The following RDX variants were observed in gnomAD, a reference collection of about 807,000 sequenced individuals.
RDX encodes deafness, autosomal recessive 24.
RDX carries 32 observed loss-of-function variants against 83.7 expected under a neutral mutation model. That is an observed-to-expected ratio of 0.38 (90% CI 0.29 to 0.51). RDX has a LOEUF of 0.51. Among genes scored for constraint, RDX ranks in the 20% least tolerant of loss-of-function variants. The probability of loss-of-function intolerance (pLI) is 0.87; values close to 1 mark genes in which losing one functional copy is unlikely to be tolerated. For missense variants in RDX, 600 were observed against 689.9 expected (o/e 0.87, Z 1.46); for synonymous variants, 229 against 222.7 (o/e 1.03, Z -0.25).
intron 15 of RDX, among the ~76,000 whole-genome samples, chr11:110,193,873 T>C (rs1863150803): frequency 6.6e-6 from 1 of 152,250 alleles, no homozygotes; most frequent in Non-Finnish European, 1.5e-5. Flanking sequence ...TTATCTCTAA[T>C]TGGGATTCTC....
At chr11:110,215,127 G>A (rs917732479) in intron 14 of RDX, among the ~76,000 whole-genome samples, 1 of 149,976 alleles carries the variant, frequency 6.7e-6, no homozygotes, top group Non-Finnish European at 1.5e-5. Flanking sequence ...TTGGAAGGCC[G>A]AGGTGGGCGG....
Position 110,263,012 on chromosome 11 carries a change from C to T in RDX, c.467+948G>A, listed in dbSNP as rs9651677. On this transcript the variant is annotated intron_variant, in intron 5 of 13. Coordinates refer to ENST00000645495, the MANE Select transcript of RDX (RefSeq NM_002906.4). ...AAATTCAGCCAGGAGCAGTGGCTCA[C>T]GCCTGTAATCCCAGCACTTTGGGAG... Among the ~76,000 whole-genome samples, 654 of 152,222 alleles carry T rather than the reference C, an allele frequency of 4.3e-3. 5 individuals carry two copies. The highest frequency in any genetic ancestry group is 0.015 in the African/African-American group (631 of 41,514).
intron 14 of RDX, among the ~76,000 whole-genome samples, chr11:110,210,485 A>G (rs901894262): frequency 2.0e-5 from 3 of 149,716 alleles, no homozygotes; most frequent in African/African-American, 7.5e-5. Context: ...GGAAATACAG[A>G]GAACACCACA....
intron 3 of RDX, 38 bp from the exon 4 acceptor site, chr11:110,264,912 C>A (rs959114979): frequency 1.4e-6 from 2 of 1,431,882 alleles, no homozygotes; most frequent in African/African-American, 1.4e-5. Context: ...CAATTTCAGT[C>A]CAACATACAC....
chr11:110,237,884 G>A (rs376911111), intron 10 of RDX: 34 of 564,802 alleles, frequency 6.0e-5, no homozygotes, highest in African/African-American at 1.5e-4. Context: ...CAATCCTCCC[G>A]CCTCAGCCTC....
chr11:110,238,569 C>T (rs1413423093), intron 10 of RDX, among the ~76,000 whole-genome samples: 1 of 152,150 alleles, frequency 6.6e-6, no homozygotes, highest in East Asian at 1.9e-4. Flanking sequence ...CAAGCTTTTA[C>T]TTACTGTTCT....
Position 110,251,396 on chromosome 11 carries a change from G to A in RDX, c.959+2550C>T, listed in dbSNP as rs913567293. Reference sequence around the variant, plus strand: ...TAATGGCTATTTTTTATTAAGTACCGGGTACTTTGCTAAATGCCTGTATAC... The same window carrying A: ...TAATGGCTATTTTTTATTAAGTACCAGGTACTTTGCTAAATGCCTGTATAC... On this transcript the variant is annotated intron_variant, in intron 9 of 13. Transcript: ENST00000645495. 7.2e-5 allele frequency among the ~76,000 whole-genome samples: 11 copies of A among 152,036 alleles called. No homozygotes were observed. In the South Asian group the frequency reaches 2.3e-3, roughly 32 times the overall value.
intron 8 of RDX, 105 bp downstream of exon 8, chr11:110,255,184 T>G: frequency 1.5e-6 from 1 of 684,078 alleles, no homozygotes; most frequent in South Asian, 1.7e-5. Context: ...AGAATGGTCC[T>G]CAGAAGCAAT....
At chr11:110,193,956 C>T (rs1012872124) in intron 15 of RDX, among the ~76,000 whole-genome samples, 1 of 152,216 alleles carries the variant, frequency 6.6e-6, no homozygotes, top group Non-Finnish European at 1.5e-5. Flanking sequence ...CTTCATATCA[C>T]CAGTCCTGGC....
Position 110,294,380 on chromosome 11 carries a change from C to T in RDX, c.-65+2087G>A, listed in dbSNP as rs11213341. 7.2e-5 allele frequency among the ~76,000 whole-genome samples: 11 copies of T among 152,114 alleles called. No homozygotes were observed. In the East Asian group the frequency reaches 1.9e-3, roughly 27 times the overall value. On this transcript the variant is annotated intron_variant, in intron 1 of 13. Coordinates refer to ENST00000645495, the MANE Select transcript of RDX (RefSeq NM_002906.4). ...CTGCATATCACCCTGGGAGACAGAG[C>T]GAGATGGGCTAACTGGATTAAAATA...
At chr11:110,240,913 G>A (rs956863029) in intron 10 of RDX, among the ~76,000 whole-genome samples, 36 of 150,888 alleles carry the variant, frequency 2.4e-4, no homozygotes, top group Admixed American at 2.1e-3. Context: ...AAAATTAGCT[G>A]GGTGTGGTGG....
downstream of RDX, among the ~76,000 whole-genome samples, chr11:110,225,410 C>A (rs1264853961): frequency 6.6e-6 from 1 of 151,976 alleles, no homozygotes; most frequent in Non-Finnish European, 1.5e-5. Context: ...AGAATTCCTA[C>A]AACAGAAAAA....
chr11:110,271,697 G>A (rs996755950), intron 3 of RDX, among the ~76,000 whole-genome samples: 6 of 152,108 alleles, frequency 3.9e-5, no homozygotes, highest in Middle Eastern at 6.8e-3. Context: ...ACGCACTCAA[G>A]ACTGAGAAGA....
chr11:110,190,157 T>G (rs189802764), intron 15 of RDX, among the ~76,000 whole-genome samples: 20 of 152,116 alleles, frequency 1.3e-4, no homozygotes, highest in Admixed American at 2.0e-4. Context: ...ACAAAAGCAG[T>G]GTTAAGAGGA....
At chr11:110,272,920 C>G (rs150080711) in intron 2 of RDX, 3 of 471,600 alleles carry the variant, frequency 6.4e-6, no homozygotes, top group African/African-American at 2.0e-5. Context: ...CCTAAGGACA[C>G]GTGGATATTA....
chr11:110,223,503 G>T (rs532053527), intron 14 of RDX, among the ~76,000 whole-genome samples: 37 of 151,856 alleles, frequency 2.4e-4, no homozygotes, highest in Non-Finnish European at 5.3e-4. Context: ...ACTCCAGTCT[G>T]GGCAACAGAG....
At chr11:110,205,628 A>G (rs1324946037) in intron 14 of RDX, among the ~76,000 whole-genome samples, 3 of 152,162 alleles carry the variant, frequency 2.0e-5, no homozygotes, top group Admixed American at 2.0e-4. Context: ...AAAATGAAAC[A>G]TGAAAGGCCT....
chr11:110,271,945 G>A (rs1860326434), intron 3 of RDX, among the ~76,000 whole-genome samples: 1 of 152,224 alleles, frequency 6.6e-6, no homozygotes, highest in Middle Eastern at 3.4e-3. Flanking sequence ...CTAACCTAAC[G>A]TGATGGGTCG....
intron 10 of RDX, among the ~76,000 whole-genome samples, chr11:110,246,545 C>T (rs1204925929): frequency 2.0e-5 from 3 of 152,132 alleles, no homozygotes; most frequent in Non-Finnish European, 2.9e-5. Flanking sequence ...GAGGCCGACG[C>T]GGGTGGATCA....
Sources: gnomAD v4.1 joint callset for allele counts (sites outside exome capture counted in the v4.1 genomes callset) on GRCh38, gnomAD v4.1.1 for gene constraint, MANE v1.5 for transcripts, NCBI Gene and HGNC (gene_info 2026-07-23, HGNC 2026-07-21) for gene names.